STXBP5L: variants seen among roughly 807,000 people sequenced by gnomAD.
STXBP5L encodes the protein syntaxin-binding protein 5-like.
STXBP5L carries 65 observed loss-of-function variants against 144.5 expected under a neutral mutation model. The observed-to-expected ratio is 0.45, with a 90% CI of 0.37 to 0.55. The LOEUF (loss-of-function observed/expected upper bound fraction) is 0.55, where lower values mean the gene tolerates loss of function less well. Among genes scored for constraint, STXBP5L ranks in the 20% least tolerant of loss-of-function variants. The pLI is 0.00. For missense variants in STXBP5L, 1,298 were observed against 1,405.5 expected, an observed-to-expected ratio of 0.92 and a Z score of 1.22; for synonymous variants, 505 against 469.6, an observed-to-expected ratio of 1.08 and a Z score of -0.97.
intron 20 of STXBP5L, among the ~76,000 whole-genome samples, chr3:121,328,486 C>T (rs900987236): frequency 1.2e-4 from 19 of 152,118 alleles, no homozygotes; most frequent in African/African-American, 2.2e-4. Flanking sequence ...TGGTGGCTCA[C>T]GCTTGTAAAC....
intron 9 of STXBP5L, among the ~76,000 whole-genome samples, chr3:121,197,099 C>T (rs1202372955): frequency 1.3e-5 from 2 of 152,020 alleles, no homozygotes; most frequent in East Asian, 3.8e-4. Flanking sequence ...GTTATATCTT[C>T]GTTTCATTCT....
intron 3 of STXBP5L, among the ~76,000 whole-genome samples, chr3:121,017,624 G>A (rs1057103502): frequency 2.0e-5 from 3 of 152,158 alleles, no homozygotes; most frequent in African/African-American, 4.8e-5. Context: ...TAAGTCAGTT[G>A]CTTTCTTATA....
chr3:120,994,654 C>T (rs1418535118), intron 3 of STXBP5L, among the ~76,000 whole-genome samples: 3 of 152,076 alleles, frequency 2.0e-5, no homozygotes, highest in Admixed American at 6.6e-5. Flanking sequence ...GCTATATTAT[C>T]TTTCTGATGT....
chr3:121,045,572 A>T (rs780191712), intron 5 of STXBP5L, 37 bp downstream of exon 5: 1 of 1,567,572 alleles, frequency 6.4e-7, no homozygotes, highest in Non-Finnish European at 8.7e-7. Flanking sequence ...CTTAATGTAC[A>T]ACAAAATTAT....
intron 14 of STXBP5L, among the ~76,000 whole-genome samples, chr3:121,243,139 G>T (rs1352310915): frequency 3.3e-5 from 5 of 152,258 alleles, no homozygotes; most frequent in Middle Eastern, 3.4e-3. Context: ...ACAATGTTCT[G>T]GATATATGTT....
At chr3:120,961,881 C>G (rs974671467) in intron 3 of STXBP5L, among the ~76,000 whole-genome samples, 3 of 152,142 alleles carry the variant, frequency 2.0e-5, no homozygotes, top group Non-Finnish European at 2.9e-5. Flanking sequence ...CTAGTTTACA[C>G]TCCCACCAAC....
intron 7 of STXBP5L, among the ~76,000 whole-genome samples, chr3:121,151,013 G>A (rs2045913113): frequency 6.6e-6 from 1 of 152,062 alleles, no homozygotes; most frequent in Non-Finnish European, 1.5e-5. Flanking sequence ...CTTGAACCCA[G>A]GAGGCGGAGG....
At chr3:120,996,010 A>T (rs1275880562) in intron 3 of STXBP5L, among the ~76,000 whole-genome samples, 1 of 152,032 alleles carries the variant, frequency 6.6e-6, no homozygotes, top group South Asian at 2.1e-4. Flanking sequence ...TTCCTGAAGG[A>T]TATTTTTTTC....
intron 5 of STXBP5L, among the ~76,000 whole-genome samples, chr3:121,077,240 G>A (rs1039690402): frequency 2.6e-4 from 40 of 152,294 alleles, no homozygotes; most frequent in Non-Finnish European, 3.2e-4. Flanking sequence ...ACTCCCGGAT[G>A]GGTCCCCAGA....
chr3:121,338,908 A>T (rs1576213665), intron 20 of STXBP5L, among the ~76,000 whole-genome samples: 1 of 152,140 alleles, frequency 6.6e-6, no homozygotes, highest in Non-Finnish European at 1.5e-5. Flanking sequence ...GTAATTTAAC[A>T]AAGTTGTCCT....
intron 5 of STXBP5L, among the ~76,000 whole-genome samples, chr3:121,082,679 G>A (rs540526615): frequency 1.3e-5 from 2 of 152,134 alleles, no homozygotes; most frequent in Non-Finnish European, 2.9e-5. Flanking sequence ...CAGTGTGTGT[G>A]TATATATACA....
At chr3:120,914,089 T>G (rs1257592018) in intron 2 of STXBP5L, among the ~76,000 whole-genome samples, 2 of 152,056 alleles carry the variant, frequency 1.3e-5, no homozygotes, top group Non-Finnish European at 2.9e-5. Context: ...TTAATTAAAT[T>G]TATTTCAGTT....
chr3:121,091,398 G>C (rs1343476091), intron 5 of STXBP5L, among the ~76,000 whole-genome samples: 1 of 151,248 alleles, frequency 6.6e-6, no homozygotes, highest in Non-Finnish European at 1.5e-5. Context: ...CCCACCAACA[G>C]TGTAAAAGTG....
chr3:121,342,699 G>A (rs1426466332), intron 20 of STXBP5L, among the ~76,000 whole-genome samples: 1 of 151,028 alleles, frequency 6.6e-6, no homozygotes, highest in Non-Finnish European at 1.5e-5. Flanking sequence ...TGACTGCATA[G>A]TATACCATGT....
chr3:121,027,581 AG>A (rs1312304016), intron 3 of STXBP5L, among the ~76,000 whole-genome samples: 1 of 152,026 alleles, frequency 6.6e-6, no homozygotes, highest in Non-Finnish European at 1.5e-5. Context: ...CAAAGTCCAC[AG>A]TGGTCAGTGG....
At chr3:121,138,547 C>T (rs556500154) in intron 7 of STXBP5L, among the ~76,000 whole-genome samples, 1 of 152,142 alleles carries the variant, frequency 6.6e-6, no homozygotes, top group South Asian at 2.1e-4. Context: ...ATGGTGCTGG[C>T]ATAAAAACAG....
chr3:121,343,190 GGTT>G lies in STXBP5L; in HGVS notation c.2176+24654_2176+24656del, dbSNP rs758006683. Among the ~76,000 whole-genome samples, 592 of 151,972 alleles carry G rather than the reference GGTT, an allele frequency of 3.9e-3. 2 individuals carry two copies. Among genetic ancestry groups the G allele is most frequent in the Non-Finnish European group, 3.7e-3 (250 of 67,978 alleles). On this transcript the variant is annotated intron_variant, in intron 20 of 26. Coordinates refer to ENST00000471454, the MANE Select transcript of STXBP5L (RefSeq NM_001308330.2). ...ATGTCCTTCACCCACTTTTTGATGG[GGTT>G]GTTTTTTTCTTGTAAATTTGTTTGA...
At chr3:121,266,969 C>T (rs561188461) in intron 18 of STXBP5L, among the ~76,000 whole-genome samples, 21 of 151,870 alleles carry the variant, frequency 1.4e-4, no homozygotes, top group Non-Finnish European at 2.8e-4. Flanking sequence ...AGAGAGGACA[C>T]AAACAGATGG....
chr3:121,308,730 G>A (rs1222671888), intron 19 of STXBP5L, among the ~76,000 whole-genome samples: 1 of 151,860 alleles, frequency 6.6e-6, no homozygotes, highest in Non-Finnish European at 1.5e-5. Context: ...AAATCAGAAG[G>A]TTATAAATAT....
Sources: allele counts gnomAD v4.1 joint callset (sites outside exome capture counted in the v4.1 genomes callset), GRCh38; gene constraint gnomAD v4.1.1; transcripts MANE v1.5; gene names NCBI Gene and HGNC (gene_info 2026-07-23, HGNC 2026-07-21).